DLG2: variants seen among roughly 807,000 people sequenced by gnomAD.
The protein encoded by DLG2 is disks large homolog 2.
Under a neutral mutation model 132.5 loss-of-function variants are expected in DLG2, and 45 were observed. The ratio of observed to expected loss-of-function variants is 0.34; its 90% CI spans 0.27 to 0.44. DLG2 has a LOEUF of 0.44. Ranked by LOEUF, DLG2 falls within the 20% of genes least tolerant of loss-of-function variation. The probability of loss-of-function intolerance (pLI) is 1.00; values close to 1 mark genes in which losing one functional copy is unlikely to be tolerated. For missense variants in DLG2, 1,045 were observed against 1,196.9 expected, an observed-to-expected ratio of 0.87 and a Z score of 1.87; for synonymous variants, 424 against 419.6, an observed-to-expected ratio of 1.01 and a Z score of -0.13.
At chr11:83,867,907 G>A (rs2062698855) in intron 16 of DLG2, among the ~76,000 whole-genome samples, 1 of 152,074 alleles carries the variant, frequency 6.6e-6, no homozygotes, top group South Asian at 2.1e-4. Context: ...CGCTACACAT[G>A]TAAGGAAAAA....
chr11:84,753,230 GC>G (rs2066413849), intron 6 of DLG2, among the ~76,000 whole-genome samples: 1 of 152,150 alleles, frequency 6.6e-6, no homozygotes, highest in African/African-American at 2.4e-5. Context: ...ATGTTGGAAA[GC>G]TTTTGAAGCC....
chr11:84,392,464 A>G (rs1286947678), intron 7 of DLG2, among the ~76,000 whole-genome samples: 2 of 152,212 alleles, frequency 1.3e-5, no homozygotes, highest in African/African-American at 4.8e-5. Flanking sequence ...GGTGTAGGTT[A>G]GTATTTGTCT....
At chr11:83,520,627 ATAGG>A (rs1268327905) in intron 21 of DLG2, among the ~76,000 whole-genome samples, 2 of 147,376 alleles carry the variant, frequency 1.4e-5, no homozygotes, top group African/African-American at 5.3e-5. Context: ...AGGTAGGTAG[ATAGG>A]TAGGTAGGTA....
intron 9 of DLG2, among the ~76,000 whole-genome samples, chr11:84,118,206 A>C (rs997605210): frequency 7.9e-5 from 12 of 152,156 alleles, no homozygotes; most frequent in Non-Finnish European, 1.2e-4. Context: ...ATCCATGTTT[A>C]TTTATGTTTA....
chr11:83,786,906 C>T, intron 17 of DLG2, 114 bp from the exon 18 acceptor site: 1 of 714,784 alleles, frequency 1.4e-6, no homozygotes, highest in South Asian at 1.7e-5. Flanking sequence ...GCCTCAGAAA[C>T]CCCTCATATC....
chr11:84,184,284 G>A (rs1596907612), intron 8 of DLG2, among the ~76,000 whole-genome samples: 1 of 151,260 alleles, frequency 6.6e-6, no homozygotes, highest in Middle Eastern at 3.4e-3. Flanking sequence ...GGTGTGAGAT[G>A]GTATCTCATT....
intron 3 of DLG2, among the ~76,000 whole-genome samples, chr11:85,490,729 C>G (rs954401405): frequency 6.6e-6 from 1 of 151,972 alleles, no homozygotes; most frequent in Admixed American, 6.6e-5. Context: ...TAAAATCATA[C>G]AACCTCCCCA....
At chr11:85,065,197 G>C (rs2064724896) in intron 6 of DLG2, among the ~76,000 whole-genome samples, 1 of 151,360 alleles carries the variant, frequency 6.6e-6, no homozygotes, top group South Asian at 2.1e-4. Context: ...CACTACCCTA[G>C]AATAGTCCAC....
intron 4 of DLG2, among the ~76,000 whole-genome samples, chr11:85,184,104 A>T (rs2079920297): frequency 6.6e-6 from 1 of 151,914 alleles, no homozygotes; most frequent in Non-Finnish European, 1.5e-5. Flanking sequence ...TTTGTCCCTT[A>T]ACCCTTGGCA....
At chr11:84,137,060 G>A (rs1322807787) in intron 9 of DLG2, among the ~76,000 whole-genome samples, 2 of 152,120 alleles carry the variant, frequency 1.3e-5, no homozygotes, top group Non-Finnish European at 2.9e-5. Flanking sequence ...GAAAGGGGGA[G>A]CTTTTGATGA....
intron 19 of DLG2, among the ~76,000 whole-genome samples, chr11:83,612,301 A>T (rs1345011117): frequency 6.6e-6 from 1 of 152,240 alleles, no homozygotes; most frequent in African/African-American, 2.4e-5. Flanking sequence ...ACTCTGAGCC[A>T]TATTTTCCTA....
intron 3 of DLG2, among the ~76,000 whole-genome samples, chr11:85,585,547 G>C (rs1445917470): frequency 6.6e-6 from 1 of 152,124 alleles, no homozygotes; most frequent in African/African-American, 2.4e-5. Context: ...GTTTGCTGTT[G>C]ATTTGTCATA....
chr11:85,207,078 G>C (rs1189180179), intron 4 of DLG2, among the ~76,000 whole-genome samples: 3 of 152,048 alleles, frequency 2.0e-5, no homozygotes. Flanking sequence ...TCAATTTGCT[G>C]TCTCATCAGC....
chr11:84,493,976 A>C (rs1167771390), intron 7 of DLG2, among the ~76,000 whole-genome samples: 1 of 152,192 alleles, frequency 6.6e-6, no homozygotes, highest in Non-Finnish European at 1.5e-5. Context: ...AGATAGATCC[A>C]TGAATGGATT....
chr11:84,385,793 T>C (rs2098767463), intron 7 of DLG2, among the ~76,000 whole-genome samples: 1 of 152,128 alleles, frequency 6.6e-6, no homozygotes, highest in Admixed American at 6.5e-5. Flanking sequence ...AAATAGTAAT[T>C]GCTCGATAAA....
chr11:85,414,372 G>C (rs1305386290), intron 3 of DLG2, among the ~76,000 whole-genome samples: 1 of 151,934 alleles, frequency 6.6e-6, no homozygotes, highest in African/African-American at 2.4e-5. Context: ...CCTCTTTACT[G>C]ATCTGGATGC....
intron 6 of DLG2, among the ~76,000 whole-genome samples, chr11:84,707,455 GA>G (rs2153750678): frequency 6.6e-6 from 1 of 151,906 alleles, no homozygotes; most frequent in East Asian, 2.0e-4. Flanking sequence ...GATTTAACTG[GA>G]AGTATCAAGG....
At chr11:84,041,893 G>A (rs1206925829) in intron 11 of DLG2, among the ~76,000 whole-genome samples, 6 of 151,858 alleles carry the variant, frequency 4.0e-5, no homozygotes, top group Admixed American at 3.3e-4. Flanking sequence ...TCTTGTGATA[G>A]TGAATGAGTC....
chr11:83,964,017 T>C (rs1285497049), intron 13 of DLG2, among the ~76,000 whole-genome samples: 1 of 152,016 alleles, frequency 6.6e-6, no homozygotes, highest in Non-Finnish European at 1.5e-5. Context: ...AAATATTGCT[T>C]TTATTTATAT....
Sources: allele counts gnomAD v4.1 joint callset (sites outside exome capture counted in the v4.1 genomes callset), GRCh38; gene constraint gnomAD v4.1.1; transcripts MANE v1.5; gene names NCBI Gene and HGNC (gene_info 2026-07-23, HGNC 2026-07-21).